GPC6: variants seen among roughly 807,000 people sequenced by gnomAD.
The protein encoded by GPC6 is glypican 6, also known as glypican-6.
GPC6 carries 14 observed loss-of-function variants against 55.2 expected under a neutral mutation model. The observed-to-expected ratio is 0.25, with a 90% CI of 0.17 to 0.40. The LOEUF is 0.40. Ranked by LOEUF, GPC6 falls within the 10% of genes least tolerant of loss-of-function variation. GPC6 has a pLI of 1.00. For missense variants in GPC6, 641 were observed against 708.5 expected, an observed-to-expected ratio of 0.90 and a Z score of 1.08; for synonymous variants, 278 against 259.6, an observed-to-expected ratio of 1.07 and a Z score of -0.68.
chr13:93,792,998 A>G (rs908675852), intron 2 of GPC6, among the ~76,000 whole-genome samples: 2 of 152,324 alleles, frequency 1.3e-5, no homozygotes, highest in African/African-American at 4.8e-5. Context: ...AACGAGGAGT[A>G]GTACTACTGA....
chr13:93,527,452 C>T (rs1881699035), intron 1 of GPC6, among the ~76,000 whole-genome samples: 1 of 152,078 alleles, frequency 6.6e-6, no homozygotes, highest in Non-Finnish European at 1.5e-5. Flanking sequence ...TCTTCAGAGA[C>T]TCTGAACTCC....
At chr13:93,760,931 T>G (rs1050143898) in intron 2 of GPC6, among the ~76,000 whole-genome samples, 20 of 152,216 alleles carry the variant, frequency 1.3e-4, no homozygotes, top group African/African-American at 4.6e-4. Context: ...TAAGTGCTTC[T>G]TAACATAGGA....
chr13:93,534,360 G>A (rs773629479), intron 1 of GPC6, among the ~76,000 whole-genome samples: 12 of 152,194 alleles, frequency 7.9e-5, no homozygotes, highest in Non-Finnish European at 1.5e-4. Context: ...GTTGGCTGAA[G>A]TCTGTGAAAT....
intron 2 of GPC6, among the ~76,000 whole-genome samples, chr13:93,604,318 C>T (rs541324178): frequency 6.6e-6 from 1 of 152,304 alleles, no homozygotes; most frequent in Admixed American, 6.5e-5. Context: ...CGACAGATAG[C>T]TATTGAGCTT....
intron 1 of GPC6, among the ~76,000 whole-genome samples, chr13:93,262,080 G>A (rs763246632): frequency 6.6e-6 from 1 of 151,960 alleles, no homozygotes; most frequent in Non-Finnish European, 1.5e-5. Flanking sequence ...GAGTATACAG[G>A]AAATAGCCCC....
At chr13:93,625,813 G>T (rs1318478646) in intron 2 of GPC6, among the ~76,000 whole-genome samples, 3 of 152,168 alleles carry the variant, frequency 2.0e-5, no homozygotes, top group Non-Finnish European at 4.4e-5. Context: ...CTCTTTGGAG[G>T]AGTTAGTATA....
chr13:93,708,217 T>A lies in GPC6; in HGVS notation c.320-121937T>A, dbSNP rs564551115. On this transcript the variant is annotated intron_variant, in intron 2 of 8. Coordinates refer to ENST00000377047, the MANE Select transcript of GPC6 (RefSeq NM_005708.5). ...GGCACTTGTATGTGTACATAAAATA[T>A]TGTATTTTAAACACATAGTACTCAA... is the stretch of plus-strand genomic sequence containing the variant. Among the ~76,000 whole-genome samples, 3 of 151,930 alleles carry A rather than the reference T, an allele frequency of 2.0e-5. No homozygotes were observed. In the South Asian group the frequency reaches 6.2e-4, roughly 31 times the overall value.
chr13:93,993,485 G>C (rs1035055962), intron 3 of GPC6, among the ~76,000 whole-genome samples: 1 of 151,440 alleles, frequency 6.6e-6, no homozygotes, highest in African/African-American at 2.4e-5. Context: ...TAGTAGAAAC[G>C]GTGTTTCACC....
At chr13:94,348,836 C>A (rs1285719817) in intron 6 of GPC6, among the ~76,000 whole-genome samples, 1 of 152,178 alleles carries the variant, frequency 6.6e-6, no homozygotes, top group Non-Finnish European at 1.5e-5. Context: ...TGGCCTTTCC[C>A]TTAAATCTCA....
chr13:94,186,210 C>T (rs1393569896), intron 4 of GPC6, among the ~76,000 whole-genome samples: 3 of 151,866 alleles, frequency 2.0e-5, no homozygotes, highest in African/African-American at 7.3e-5. Context: ...ATTTACTCAG[C>T]AATCTTTTAA....
intron 7 of GPC6, among the ~76,000 whole-genome samples, chr13:94,388,686 G>A (rs984668330): frequency 1.3e-5 from 2 of 152,170 alleles, no homozygotes; most frequent in African/African-American, 2.4e-5. Context: ...TCAGGGTGCC[G>A]GCAGATTGGG....
chr13:94,315,968 A>G (rs1034097771), intron 6 of GPC6, among the ~76,000 whole-genome samples: 3 of 135,470 alleles, frequency 2.2e-5, no homozygotes, highest in African/African-American at 8.4e-5. Flanking sequence ...CTCATCAGCC[A>G]TCTTTAGTGT....
At chr13:94,259,128 C>A (rs1891586001) in intron 4 of GPC6, among the ~76,000 whole-genome samples, 1 of 151,952 alleles carries the variant, frequency 6.6e-6, no homozygotes. Context: ...TCACTGGAAA[C>A]CTTTCCCAGA....
intron 1 of GPC6, among the ~76,000 whole-genome samples, chr13:93,379,875 A>C (rs1249980533): frequency 6.6e-6 from 1 of 152,040 alleles, no homozygotes; most frequent in Non-Finnish European, 1.5e-5. Flanking sequence ...ATCGTCTTTA[A>C]AAATACTGGG....
At chr13:93,968,040 G>A (rs1438582562) in intron 3 of GPC6, among the ~76,000 whole-genome samples, 1 of 152,124 alleles carries the variant, frequency 6.6e-6, no homozygotes, top group East Asian at 1.9e-4. Flanking sequence ...AAAATTAGGA[G>A]TGCTCATTTT....
chr13:94,069,976 T>A (rs1432047766), intron 4 of GPC6, among the ~76,000 whole-genome samples: 1 of 152,208 alleles, frequency 6.6e-6, no homozygotes, highest in Non-Finnish European at 1.5e-5. Context: ...GGGTATCTTT[T>A]TAGCAGTGCC....
intron 2 of GPC6, among the ~76,000 whole-genome samples, chr13:93,550,823 A>G (rs1029560768): frequency 2.6e-5 from 4 of 152,156 alleles, no homozygotes; most frequent in African/African-American, 9.6e-5. Flanking sequence ...ATTTGAAAAC[A>G]TTCATTTAGA....
At chr13:93,788,393 T>G (rs1885880617) in intron 2 of GPC6, among the ~76,000 whole-genome samples, 1 of 152,108 alleles carries the variant, frequency 6.6e-6, no homozygotes, top group Non-Finnish European at 1.5e-5. Flanking sequence ...GTCCTGCCTC[T>G]TAATATTTCA....
intron 2 of GPC6, among the ~76,000 whole-genome samples, chr13:93,702,394 T>C (rs149778218): frequency 2.0e-5 from 3 of 152,106 alleles, no homozygotes; most frequent in Admixed American, 6.6e-5. Flanking sequence ...TTTTTGTTTC[T>C]AGAACACAGA....
Sources: allele counts gnomAD v4.1 joint callset (sites outside exome capture counted in the v4.1 genomes callset), GRCh38; gene constraint gnomAD v4.1.1; transcripts MANE v1.5; gene names NCBI Gene and HGNC (gene_info 2026-07-23, HGNC 2026-07-21).